Variants in NALF1 observed in about 807,000 individuals in gnomAD.
The protein encoded by NALF1 is family with sequence similarity 155 member A.
NALF1 carries 3 observed loss-of-function variants against 48.4 expected under a neutral mutation model. The observed-to-expected ratio is 0.06, with a 90% CI of 0.03 to 0.16. NALF1 has a LOEUF of 0.16. NALF1 is among the 10% of genes least tolerant of loss of function. NALF1 has a pLI of 1.00. For missense variants in NALF1, 526 were observed against 571.5 expected, an observed-to-expected ratio of 0.92 and a Z score of 0.81; for synonymous variants, 262 against 245.7, an observed-to-expected ratio of 1.07 and a Z score of -0.62.
intron 1 of NALF1, among the ~76,000 whole-genome samples, chr13:107,513,354 G>A (rs180946986): frequency 6.6e-6 from 1 of 152,252 alleles, no homozygotes; most frequent in Non-Finnish European, 1.5e-5. Context: ...TTGCCTTAGC[G>A]ATCTATTTTT....
intron 1 of NALF1, among the ~76,000 whole-genome samples, chr13:107,421,331 C>T (rs141010881): frequency 0.013 from 1,966 of 152,170 alleles, 18 homozygotes; most frequent in South Asian, 0.029. Context: ...TTTAACTGCT[C>T]TAGTATATCT....
chr13:107,211,502 G>A (rs1042594690), intron 1 of NALF1, among the ~76,000 whole-genome samples: 1 of 152,212 alleles, frequency 6.6e-6, no homozygotes, highest in Admixed American at 6.5e-5. Context: ...AAAGGACTGG[G>A]ACTTCATTCA....
chr13:107,237,457 C>T (rs78668469), intron 1 of NALF1, among the ~76,000 whole-genome samples: 2,412 of 152,166 alleles, frequency 0.016, 59 homozygotes, highest in African/African-American at 0.055. Flanking sequence ...GGTCCCAGGC[C>T]ACCCCTTGGA....
At chr13:107,693,032 T>C (rs1029561410) in intron 1 of NALF1, among the ~76,000 whole-genome samples, 8 of 152,138 alleles carry the variant, frequency 5.3e-5, no homozygotes, top group Admixed American at 3.3e-4. Context: ...GATTGCTGGG[T>C]CAAATGGTAT....
At chr13:107,499,346 T>C (rs932898347) in intron 1 of NALF1, among the ~76,000 whole-genome samples, 5 of 150,822 alleles carry the variant, frequency 3.3e-5, no homozygotes, top group Non-Finnish European at 7.4e-5. Context: ...ACAATAAAGT[T>C]TTTTTTTTCT....
chr13:107,225,251 C>T (rs1880078587), intron 1 of NALF1, among the ~76,000 whole-genome samples: 1 of 152,132 alleles, frequency 6.6e-6, no homozygotes, highest in Non-Finnish European at 1.5e-5. Context: ...TCAGGTGATC[C>T]ACCCGCCTCG....
At chr13:107,254,935 C>A (rs1880783107) in intron 1 of NALF1, among the ~76,000 whole-genome samples, 1 of 152,098 alleles carries the variant, frequency 6.6e-6, no homozygotes, top group African/African-American at 2.4e-5. Context: ...CTATGGAAGG[C>A]CATATTTACT....
rs9559130 is a variant in NALF1, at chr13:107,668,349, G to A, written c.915+197333C>T. ...TTCTTTCCTTCCGTATCTTGATGAG[G>A]CCCCAAACTCAGGTAGTTTTGCTCC... On this transcript the variant is annotated intron_variant, in intron 1 of 2. Coordinates refer to ENST00000375915, the MANE Select transcript of NALF1 (RefSeq NM_001080396.3). Among the ~76,000 whole-genome samples the A allele has an allele frequency of 0.017, 2,644 of 151,958 alleles. 145 individuals carry two copies. In the East Asian group the frequency reaches 0.2, roughly 11 times the overall value.
intron 1 of NALF1, among the ~76,000 whole-genome samples, chr13:107,598,704 T>C (rs1489062028): frequency 2.4e-4 from 37 of 152,164 alleles, no homozygotes; most frequent in Admixed American, 2.4e-3. Flanking sequence ...CATAGGATCA[T>C]CTTTCTTCGT....
At chr13:107,209,907 A>T (rs534738461) in intron 2 of NALF1, among the ~76,000 whole-genome samples, 240 of 152,268 alleles carry the variant, frequency 1.6e-3, no homozygotes, top group African/African-American at 3.9e-3. Context: ...TTTATTTTTT[A>T]AAAAAAGGCT....
chr13:107,586,953 C>T (rs1878478550), intron 1 of NALF1, among the ~76,000 whole-genome samples: 1 of 151,956 alleles, frequency 6.6e-6, no homozygotes, highest in East Asian at 1.9e-4. Context: ...TAGAGCCATG[C>T]ATTAGTAGAT....
At chr13:107,656,898 T>A (rs1343487627) in intron 1 of NALF1, among the ~76,000 whole-genome samples, 1 of 152,030 alleles carries the variant, frequency 6.6e-6, no homozygotes, top group Non-Finnish European at 1.5e-5. Flanking sequence ...GTGAAGTAAC[T>A]CAGGAATGGA....
At chr13:107,503,881 C>T (rs1875607540) in intron 1 of NALF1, among the ~76,000 whole-genome samples, 2 of 151,126 alleles carry the variant, frequency 1.3e-5, no homozygotes, top group East Asian at 3.9e-4. Context: ...TGAAAAAAGC[C>T]AGACATAGAA....
intron 1 of NALF1, among the ~76,000 whole-genome samples, chr13:107,489,748 A>G (rs974102230): frequency 1.3e-5 from 2 of 152,224 alleles, no homozygotes; most frequent in Admixed American, 6.5e-5. Context: ...ATGGGATCTA[A>G]TTAAACTAAA....
intron 1 of NALF1, among the ~76,000 whole-genome samples, chr13:107,521,186 A>T (rs887565190): frequency 4.6e-5 from 7 of 152,086 alleles, no homozygotes; most frequent in African/African-American, 1.7e-4. Flanking sequence ...AAATGCATCC[A>T]TGAGGACAAA....
At chr13:107,704,808 G>A (rs531684862) in intron 1 of NALF1, among the ~76,000 whole-genome samples, 3 of 152,154 alleles carry the variant, frequency 2.0e-5, no homozygotes, top group South Asian at 2.1e-4. Flanking sequence ...GATGCCCTGC[G>A]TCTCAATTTC....
intron 1 of NALF1, among the ~76,000 whole-genome samples, chr13:107,558,230 TC>T (rs1353827747): frequency 1.3e-5 from 2 of 152,128 alleles, no homozygotes; most frequent in African/African-American, 4.8e-5. Context: ...TCCTTGAGTC[TC>T]TTTTTTTTTA....
At chr13:107,363,464 T>C (rs938287517) in intron 1 of NALF1, among the ~76,000 whole-genome samples, 1 of 152,128 alleles carries the variant, frequency 6.6e-6, no homozygotes, top group Non-Finnish European at 1.5e-5. Context: ...TGGGGCATGG[T>C]GGCACACGCC....
At chr13:107,482,753 A>G (rs1299708166) in intron 1 of NALF1, among the ~76,000 whole-genome samples, 1 of 152,148 alleles carries the variant, frequency 6.6e-6, no homozygotes, top group Non-Finnish European at 1.5e-5. Context: ...CACAGAAGGG[A>G]AACTGTGAGG....
Sources: allele counts gnomAD v4.1 joint callset (sites outside exome capture counted in the v4.1 genomes callset), GRCh38; gene constraint gnomAD v4.1.1; transcripts MANE v1.5; gene names NCBI Gene and HGNC (gene_info 2026-07-23, HGNC 2026-07-21).